HEATR4: variants seen among roughly 807,000 people sequenced by gnomAD.
The protein encoded by HEATR4 is HEAT repeat containing 4.
A neutral mutation model predicts 108.8 loss-of-function variants in HEATR4; 95 were observed. That is an observed-to-expected ratio of 0.87 (90% CI 0.74 to 1.04). HEATR4 has a LOEUF of 1.04. Ranked by LOEUF, HEATR4 falls within the 50% of genes least tolerant of loss-of-function variation. The pLI, the probability that HEATR4 is intolerant of heterozygous loss-of-function variation, is 0.00. For synonymous variants in HEATR4, 443 were observed against 459.4 expected (o/e 0.96, Z 0.46); for missense variants, 1,152 against 1,253.8 (o/e 0.92, Z 1.23).
At chr14:73,593,214 G>T in the HEATR4 span, among the ~76,000 whole-genome samples, 1 of 151,858 alleles carries the variant, frequency 6.6e-6, no homozygotes, top group South Asian at 2.1e-4. Flanking sequence ...ACCATCTCTG[G>T]GTATTTCTTT....
At chr14:73,479,216 C>T (rs1160766287) in intron 17 of HEATR4, among the ~76,000 whole-genome samples, 1 of 149,896 alleles carries the variant, frequency 6.7e-6, no homozygotes. Context: ...CCCGGGTTCA[C>T]GCCATTCTCC....
chr14:73,629,770 A>G, the HEATR4 span, among the ~76,000 whole-genome samples: 1 of 151,182 alleles, frequency 6.6e-6, no homozygotes, highest in Non-Finnish European at 1.5e-5. Flanking sequence ...TCAGCCTCCC[A>G]AGTAGCTGGG....
the HEATR4 span, among the ~76,000 whole-genome samples, chr14:73,618,517 C>A: frequency 6.7e-6 from 1 of 149,696 alleles, no homozygotes; most frequent in South Asian, 2.1e-4. Flanking sequence ...ACGGGCTGAC[C>A]TCTCCCCTAT....
At chr14:73,586,125 G>A in the HEATR4 span, among the ~76,000 whole-genome samples, 1 of 151,920 alleles carries the variant, frequency 6.6e-6, no homozygotes, top group South Asian at 2.1e-4. Context: ...TGGGCACAGT[G>A]GCTCAGGCCT....
chr14:73,620,709 A>T, the HEATR4 span, among the ~76,000 whole-genome samples: 6 of 152,056 alleles, frequency 3.9e-5, no homozygotes, highest in African/African-American at 1.4e-4. Flanking sequence ...CTGGGACTAC[A>T]GGCTCGTGCC....
chr14:73,556,891 G>A lies in HEATR4; in HGVS notation c.-152+1860C>T, dbSNP rs796685686. 7.0e-5 allele frequency among the ~76,000 whole-genome samples: 8 copies of A among 113,570 alleles called. 2 individuals carry two copies. The highest frequency in any genetic ancestry group is 2.3e-4 in the African/African-American group (8 of 35,260). The allele number at this position is 113,570 out of a possible 152,430, so 74.5% of individuals were successfully genotyped here. On this transcript the variant is annotated intron_variant, in intron 1 of 17. Transcript: ENST00000553558. ...ACTGGGCGCTTCGGGAAGAATTTAG[G>A]GCTATGGGGTACTCAGCAATTAAAA...
rs79544096 is a variant in HEATR4, at chr14:73,515,238, A to G, written c.1211-1004T>C. On this transcript the variant is annotated intron_variant, in intron 5 of 17. Transcript: ENST00000553558. The stretch of plus-strand genomic sequence containing the variant: ...ACTAAATTCATTATTCACACTGCCT[A>G]TTAGTCTCATGTTCTAATCAGTCAC... 8.6e-3 allele frequency among the ~76,000 whole-genome samples: 1,305 copies of G among 152,304 alleles called. 15 individuals carry two copies. Among genetic ancestry groups the G allele is most frequent in the Non-Finnish European group, 0.011 (767 of 68,028 alleles).
At chr14:73,574,509 C>G in the HEATR4 span, 1 of 350,044 alleles carries the variant, frequency 2.9e-6, no homozygotes, top group Admixed American at 4.5e-5. Flanking sequence ...ATGATCCACC[C>G]GCCTCAGCCT....
chr14:73,494,916 C>G (rs902656462), intron 16 of HEATR4, among the ~76,000 whole-genome samples: 1 of 152,110 alleles, frequency 6.6e-6, no homozygotes, highest in East Asian at 1.9e-4. Flanking sequence ...AGTGCTTAGT[C>G]AAACATACAT....
chr14:73,502,877 A>G lies in HEATR4; in HGVS notation c.2105+18T>C, dbSNP rs376616331. 4.8e-4 allele frequency: 750 copies of G among 1,577,786 alleles called. 2 individuals carry two copies. The highest frequency in any genetic ancestry group is 6.4e-4 in the Non-Finnish European group (738 of 1,147,618). ...TAAGAATTTAGAAGAGTGTCTCCTC[A>G]TGTTGACTGGGTCTTACCTGATTAT... On this transcript the variant is annotated intron_variant, in intron 11 of 17. Coordinates refer to ENST00000553558, the MANE Select transcript of HEATR4 (RefSeq NM_001220484.1).
chr14:73,605,150 AC>A, the HEATR4 span, among the ~76,000 whole-genome samples: 1 of 152,136 alleles, frequency 6.6e-6, no homozygotes, highest in Admixed American at 6.6e-5. Context: ...AGAAAAAAAA[AC>A]ATAAGGGCCC....
At chr14:73,632,079 A>C in the HEATR4 span, 3 of 152,154 alleles carry the variant, frequency 2.0e-5, no homozygotes, top group Admixed American at 2.0e-4. Flanking sequence ...TCATTCCTAT[A>C]AATTTAACCT....
rs141048605 is a variant in HEATR4, at chr14:73,537,046, T to A, written c.-151-6802A>T. 2.7e-3 allele frequency: 438 copies of A among 164,694 alleles called. 76 individuals carry two copies. The highest frequency in any genetic ancestry group is 0.011 in the African/African-American group (412 of 35,878). The allele number at this position is 164,694 out of a possible 1,614,324, so 10.2% of individuals were successfully genotyped here. A position where few individuals can be genotyped will look rare whatever the true frequency, so the allele number is the denominator to read the frequency against. On this transcript the variant is annotated intron_variant, in intron 1 of 17. Coordinates refer to ENST00000553558, the MANE Select transcript of HEATR4 (RefSeq NM_001220484.1). ...TCGCCCAGGCTGTAGTGCAGTGGCA[T>A]GATCTTGGCCAACTGCAAGCTCCAC...
the HEATR4 span, among the ~76,000 whole-genome samples, chr14:73,591,541 C>A: frequency 0.16 from 21,771 of 139,794 alleles, 2,156 homozygotes; most frequent in Non-Finnish European, 0.23. Context: ...GACTCTGTTT[C>A]AAAAAAAAAA....
chr14:73,502,518 C>T (rs1415654090), intron 11 of HEATR4, among the ~76,000 whole-genome samples: 2 of 151,890 alleles, frequency 1.3e-5, no homozygotes, highest in Non-Finnish European at 1.5e-5. Context: ...AGGAGCTCAA[C>T]AAATGCTGGG....
chr14:73,577,414 T>C, the HEATR4 span, among the ~76,000 whole-genome samples: 1 of 136,834 alleles, frequency 7.3e-6, no homozygotes, highest in Non-Finnish European at 1.6e-5. Flanking sequence ...TGGAGCCCCA[T>C]TTAGAGTACA....
the HEATR4 span, chr14:73,582,905 TTACTC>T: frequency 1.3e-5 from 2 of 152,100 alleles, no homozygotes; most frequent in Non-Finnish European, 2.9e-5. Flanking sequence ...TTGCAATAAA[TTACTC>T]TATGCTGCAC....
At chr14:73,581,348 G>C in the HEATR4 span, 1 of 151,996 alleles carries the variant, frequency 6.6e-6, no homozygotes. Flanking sequence ...CTAGTGGAAA[G>C]AGCAAGGCAG....
chr14:73,503,067 G>T, intron 10 of HEATR4, 54 bp from the exon 11 acceptor site: 2 of 1,379,886 alleles, frequency 1.4e-6, no homozygotes, highest in Non-Finnish European at 2.1e-6. Context: ...TTAATTTTGT[G>T]CTTGGCGTTG....
Sources: allele counts gnomAD v4.1 joint callset (sites outside exome capture counted in the v4.1 genomes callset), GRCh38; gene constraint gnomAD v4.1.1; transcripts MANE v1.5; gene names NCBI Gene and HGNC (gene_info 2026-07-23, HGNC 2026-07-21).